The following SLC9A2 variants were observed in gnomAD, a reference collection of about 807,000 sequenced individuals.
SLC9A2 encodes solute carrier family 9 member A2, also known as sodium/hydrogen exchanger 2.
SLC9A2 carries 42 observed loss-of-function variants against 71.7 expected under a neutral mutation model. The observed-to-expected ratio is 0.59, with a 90% CI of 0.46 to 0.76. The LOEUF (loss-of-function observed/expected upper bound fraction) is 0.76, where lower values mean the gene tolerates loss of function less well. Among genes scored for constraint, SLC9A2 ranks in the 30% least tolerant of loss-of-function variants. The pLI is 0.00. For synonymous variants in SLC9A2, 396 were observed against 392.5 expected, an observed-to-expected ratio of 1.01 and a Z score of -0.10; for missense variants, 829 against 1,017.4, an observed-to-expected ratio of 0.81 and a Z score of 2.52.
chr2:102,649,438 C>G (rs1422364794), intron 1 of SLC9A2, among the ~76,000 whole-genome samples: 1 of 152,084 alleles, frequency 6.6e-6, no homozygotes, highest in African/African-American at 2.4e-5. Flanking sequence ...ACTAAAACAC[C>G]AAAAGCAATT....
At position 102,668,220 on chromosome 2, in the gene SLC9A2, A is replaced by G. The variant is rs138506433; in HGVS notation, c.1004+2870A>G. Among the ~76,000 whole-genome samples, 385 of 152,324 alleles carry G rather than the reference A, an allele frequency of 2.5e-3. 7 individuals are homozygous for G. Among genetic ancestry groups the G allele is most frequent in the African/African-American group, 8.8e-3 (364 of 41,564 alleles). On this transcript the variant is annotated intron_variant, in intron 3 of 11. Coordinates refer to ENST00000233969, the MANE Select transcript of SLC9A2 (RefSeq NM_003048.6). Reference sequence around the variant, plus strand: ...TGTGCACCCATTATTCTGTCATGAAAAATGCAGGTACACATTCACATTGGG... The same window carrying G: ...TGTGCACCCATTATTCTGTCATGAAGAATGCAGGTACACATTCACATTGGG...
In SLC9A2 at chr2:102,686,564, C is replaced by T. The variant is rs1364131955; in HGVS notation, c.1425+2228C>T. 5.3e-5 allele frequency: 8 copies of T among 152,184 alleles called. No individual in the cohort carries two copies. The East Asian group carries it at 1.5e-3, about 29-fold the overall frequency. 9.4% of individuals were successfully genotyped at this position (152,184 alleles called of 1,614,324 possible). A position where few individuals can be genotyped will look rare whatever the true frequency, so the allele number is the denominator to read the frequency against. Reference sequence around the variant, plus strand: ...TTATCAACACCTTTCTGCTTTCGCGCAGTAATATGGGCCAGAAATGGTGAT... The same window carrying T: ...TTATCAACACCTTTCTGCTTTCGCGTAGTAATATGGGCCAGAAATGGTGAT... On this transcript the variant is annotated intron_variant, in intron 5 of 11. Transcript: ENST00000233969.
rs1677109572 is a variant in SLC9A2 at position 102,665,115 on chromosome 2, T to C, written c.769T>C (p.Phe257Leu). ...TTTCCTGCAGGTCCTGTACAACTTG[T>C]TCAAGTCGTTTTGCCAGATGAAAAC... Reference protein sequence around the residue: ...DAVTVVLYNLFKSFCQMKTIE... With the variant: ...DAVTVVLYNLLKSFCQMKTIE... Residue 257 changes from phenylalanine to leucine, a missense_variant, in exon 3 of 12, where the codon TTC (phenylalanine) becomes CTC (leucine). By Grantham distance (22) the Phe-to-Leu change is conservative. Transcript: ENST00000233969. 6.2e-7 allele frequency: 1 copy of C among 1,613,904 alleles called. No homozygotes were observed. The highest frequency in any genetic ancestry group is 1.3e-5 in the African/African-American group (1 of 74,892).
chr2:102,631,260 T>C (rs374247388), intron 1 of SLC9A2, among the ~76,000 whole-genome samples: 2 of 152,200 alleles, frequency 1.3e-5, no homozygotes, highest in African/African-American at 4.8e-5. Context: ...ATATTTCTTT[T>C]CCTTCCTTTT....
At chr2:102,671,080 T>C (rs1677241915) in intron 3 of SLC9A2, among the ~76,000 whole-genome samples, 1 of 152,180 alleles carries the variant, frequency 6.6e-6, no homozygotes, top group Non-Finnish European at 1.5e-5. Context: ...TATAAAATGC[T>C]TTCAAACACA....
chr2:102,642,961 C>T (rs749332309), intron 1 of SLC9A2, among the ~76,000 whole-genome samples: 10 of 152,194 alleles, frequency 6.6e-5, no homozygotes, highest in Middle Eastern at 3.4e-3. Context: ...TGTTTTTTGA[C>T]GAACTGGTCC....
Position 102,665,346 on chromosome 2 carries a change from A to T in SLC9A2, c.1000A>T (p.Met334Leu), listed in dbSNP as rs1677114449. The T allele has an allele frequency of 6.2e-7, 1 of 1,611,516 alleles. No homozygotes were observed. Among genetic ancestry groups the T allele is most frequent in the African/African-American group, 1.3e-5 (1 of 74,880 alleles). Residue 334 changes from methionine to leucine, a missense_variant, in exon 3 of 12, where the codon ATG becomes TTG. By Grantham distance (15) the Met-to-Leu change is conservative (BLOSUM62 2). Transcript: ENST00000233969. ...TAEMFHLSGI[M>L]AITACAMTMN... is the part of the protein sequence containing the mutation. ...TGAAATGTTTCACCTCTCAGGCATC[A>T]TGGCGTAAGTACTTCTTTGTTAAAA...
At chr2:102,683,660 T>G (rs987626568) in intron 4 of SLC9A2, among the ~76,000 whole-genome samples, 182 bp downstream of exon 4, 7 of 152,036 alleles carry the variant, frequency 4.6e-5, no homozygotes, top group South Asian at 4.2e-4. Flanking sequence ...CTCTCCTATA[T>G]CCTCCTCTTC....
At chr2:102,644,047 C>A (rs2104510099) in intron 1 of SLC9A2, among the ~76,000 whole-genome samples, 1 of 152,122 alleles carries the variant, frequency 6.6e-6, no homozygotes, top group African/African-American at 2.4e-5. Flanking sequence ...GAATTACTTT[C>A]TGTTGAAGAT....
chr2:102,691,252 A>G (rs1378459280), intron 5 of SLC9A2, among the ~76,000 whole-genome samples: 2 of 152,120 alleles, frequency 1.3e-5, no homozygotes, highest in Non-Finnish European at 2.9e-5. Flanking sequence ...GTATTTGCAA[A>G]TATTTCTACT....
intron 1 of SLC9A2, among the ~76,000 whole-genome samples, chr2:102,644,634 G>T (rs1466876409): frequency 2.0e-5 from 3 of 152,130 alleles, no homozygotes; most frequent in Non-Finnish European, 4.4e-5. Flanking sequence ...TGCAGGGAGG[G>T]GTACCTGCCA....
At chr2:102,704,463 G>A (rs1432191327) in intron 9 of SLC9A2, 81 bp from the exon 10 acceptor site, 1 of 1,390,030 alleles carries the variant, frequency 7.2e-7, no homozygotes. Context: ...AAAGAAATGT[G>A]GTAAAGTCTT....
Position 102,710,257 on chromosome 2 carries a change from C to T in SLC9A2, c.*1768C>T, listed in dbSNP as rs1172481802. 6.6e-6 allele frequency: 1 copy of T among 152,512 alleles called. No homozygotes were observed. Among genetic ancestry groups the T allele is most frequent in the African/African-American group, 2.4e-5 (1 of 41,422 alleles). The allele number at this position is 152,512 out of a possible 1,614,324, so 9.4% of individuals were successfully genotyped here. A position where few individuals can be genotyped will look rare whatever the true frequency, so the allele number is the denominator to read the frequency against. On this transcript the variant is annotated 3_prime_UTR_variant, in exon 12 of 12. Coordinates refer to ENST00000233969, the MANE Select transcript of SLC9A2 (RefSeq NM_003048.6). ...ATAAAAATACATTTATTCTGCTTAA[C>T]ACAAATTAAAACTGACATAAAATTT... is the stretch of plus-strand genomic sequence containing the variant.
At chr2:102,639,813 C>T (rs1279789096) in intron 1 of SLC9A2, among the ~76,000 whole-genome samples, 1 of 152,260 alleles carries the variant, frequency 6.6e-6, no homozygotes, top group Non-Finnish European at 1.5e-5. Flanking sequence ...ATTTGTTCTT[C>T]TATGTCTGGC....
At chr2:102,690,592 G>C (rs1470320246) in intron 5 of SLC9A2, among the ~76,000 whole-genome samples, 1 of 152,154 alleles carries the variant, frequency 6.6e-6, no homozygotes, top group Non-Finnish European at 1.5e-5. Context: ...GTATAGGGGA[G>C]AGACGGACAG....
At chr2:102,620,321 G>A (rs1250487538) in intron 1 of SLC9A2, among the ~76,000 whole-genome samples, 184 bp downstream of exon 1, 1 of 152,158 alleles carries the variant, frequency 6.6e-6, no homozygotes, top group Non-Finnish European at 1.5e-5. Context: ...TCGCGTTTTG[G>A]TTCTTAAGGG....
rs1332568813 is a variant in SLC9A2, at chr2:102,710,764, A to C, written c.*2275A>C. 1.3e-5 allele frequency: 2 copies of C among 152,328 alleles called. No homozygotes were observed. Among genetic ancestry groups the C allele is most frequent in the Non-Finnish European group, 2.9e-5 (2 of 68,042 alleles). 9.4% of individuals were successfully genotyped at this position (152,328 alleles called of 1,614,324 possible). ...TTTTCACAATCTAAATATTGTCACA[A>C]TCTAAATTTCTGTAGTAGAGAGAGC... is the stretch of plus-strand genomic sequence containing the variant. On this transcript the variant is annotated 3_prime_UTR_variant, in exon 12 of 12. Transcript: ENST00000233969.
chr2:102,708,467 G>C lies in SLC9A2; in HGVS notation c.2417G>C (p.Arg806Pro). 6.2e-7 allele frequency: 1 copy of C among 1,614,050 alleles called. No homozygotes were observed. The highest frequency in any genetic ancestry group is 8.5e-7 in the Non-Finnish European group (1 of 1,179,966). The stretch of plus-strand genomic sequence containing the variant: ...TCGGAACCTGGAAGCCGGAAAGCCC[G>C]ATTTGGGAGTGAGAAGCCTTAAGAG... The part of the protein sequence containing the change: ...RASEPGSRKA[R>P]FGSEKP Residue 806 changes from arginine to proline, a missense_variant, in exon 12 of 12, where the codon CGA becomes CCA. By Grantham distance (103) the Arg-to-Pro change is moderately radical. This residue lies in a region of SLC9A2 where 223 missense variants were observed against 197.5 expected (regional missense o/e 1.13). Coordinates refer to ENST00000233969, the MANE Select transcript of SLC9A2 (RefSeq NM_003048.6).
chr2:102,701,059 TTTA>T lies in SLC9A2; in HGVS notation c.1587-8_1587-6del. 2 of 1,558,224 alleles carry T rather than the reference TTTA, an allele frequency of 1.3e-6. No individual in the cohort carries two copies. Among genetic ancestry groups the T allele is most frequent in the Non-Finnish European group, 1.7e-6 (2 of 1,152,058 alleles). On this transcript the variant is annotated splice_region_variant and splice_polypyrimidine_tract_variant and intron_variant, in intron 7 of 11. Transcript: ENST00000233969. ...CCAGTATTAATTTATTGAAAGTTTCTTTATTTACAGGTTTAAGAAGTTTGATGA... is the reference window on the plus strand; with the variant it reads ...CCAGTATTAATTTATTGAAAGTTTCTTTTACAGGTTTAAGAAGTTTGATGA...
Sources: allele counts gnomAD v4.1 joint callset (sites outside exome capture counted in the v4.1 genomes callset), GRCh38; gene constraint gnomAD v4.1.1; regional missense constraint gnomAD v4.1.1; transcripts MANE v1.5; gene names NCBI Gene and HGNC (gene_info 2026-07-23, HGNC 2026-07-21).